The following LGR4 variants were observed in gnomAD, a reference collection of about 807,000 sequenced individuals.
LGR4 encodes leucine-rich repeat-containing G protein-coupled receptor 4.
In LGR4, 44 loss-of-function variants were observed where a neutral mutation model predicts 84.8. The ratio of observed to expected loss-of-function variants is 0.52; its 90% CI spans 0.41 to 0.67. LGR4 has a LOEUF of 0.67. Among genes scored for constraint, LGR4 ranks in the 30% least tolerant of loss-of-function variants. The pLI, the probability that LGR4 is intolerant of heterozygous loss-of-function variation, is 0.00. For missense variants in LGR4, 1,032 were observed against 1,131.4 expected, an observed-to-expected ratio of 0.91 and a Z score of 1.26; for synonymous variants, 429 against 434.3, an observed-to-expected ratio of 0.99 and a Z score of 0.15.
intron 1 of LGR4, among the ~76,000 whole-genome samples, chr11:27,420,311 T>A (rs963102454): frequency 6.6e-6 from 1 of 152,116 alleles, no homozygotes; most frequent in African/African-American, 2.4e-5. Context: ...GAACACTGGG[T>A]CCAGTTTCTT....
At chr11:27,456,243 G>A (rs765509200) in intron 1 of LGR4, among the ~76,000 whole-genome samples, 1 of 152,172 alleles carries the variant, frequency 6.6e-6, no homozygotes, top group African/African-American at 2.4e-5. Flanking sequence ...AAAGGAAAGA[G>A]CACACAGATC....
chr11:27,437,660 AGTGTGTGTGTGTGTGTGTGT>A (rs10659033), intron 1 of LGR4, among the ~76,000 whole-genome samples: 1 of 140,044 alleles, frequency 7.1e-6, no homozygotes, highest in Admixed American at 7.2e-5. Context: ...TTAAAGGACT[AGTGTGTGTGTGTGTGTGTGT>A]GTGTGTGTGT....
intron 6 of LGR4, among the ~76,000 whole-genome samples, chr11:27,383,222 C>T (rs371089411): frequency 2.3e-4 from 35 of 152,228 alleles, no homozygotes; most frequent in African/African-American, 7.7e-4. Flanking sequence ...CACTGGCATA[C>T]GATTTGCATG....
intron 1 of LGR4, among the ~76,000 whole-genome samples, chr11:27,456,898 CA>C (rs1479233902): frequency 4.6e-5 from 7 of 152,106 alleles, no homozygotes; most frequent in Non-Finnish European, 8.8e-5. Context: ...TGTATGCAGA[CA>C]TATAGATGTA....
chr11:27,472,077 G>T, intron 1 of LGR4, 41 bp downstream of exon 1: 3 of 896,410 alleles, frequency 3.3e-6, no homozygotes, highest in South Asian at 3.4e-5. Context: ...GCTGGGCCCC[G>T]TTTCCTCCCC....
chr11:27,448,540 C>G (rs1370276574), intron 1 of LGR4, among the ~76,000 whole-genome samples: 1 of 152,154 alleles, frequency 6.6e-6, no homozygotes, highest in Non-Finnish European at 1.5e-5. Context: ...GATCCGCTCG[C>G]CTCAGCCTCC....
intron 1 of LGR4, 128 bp downstream of exon 1, chr11:27,471,990 C>A (rs1257826858): frequency 5.1e-6 from 3 of 584,966 alleles, no homozygotes; most frequent in South Asian, 1.6e-4. Context: ...GACCGGCGGA[C>A]CCCCTCCCCA....
intron 2 of LGR4, among the ~76,000 whole-genome samples, chr11:27,396,028 G>A (rs1416973875): frequency 4.6e-5 from 7 of 152,130 alleles, no homozygotes; most frequent in Admixed American, 3.9e-4. Flanking sequence ...ACTGATAGCT[G>A]GTACACAAAC....
chr11:27,369,786 T>C (rs894667948), intron 17 of LGR4, among the ~76,000 whole-genome samples: 1 of 152,216 alleles, frequency 6.6e-6, no homozygotes, highest in Admixed American at 6.5e-5. Flanking sequence ...TATATTTTCT[T>C]ATGACTTTCA....
chr11:27,415,563 C>T lies in LGR4; in HGVS notation c.186-2703G>A, dbSNP rs533268839. The stretch of plus-strand genomic sequence containing the variant: ...GTGAGACTCCATATTTACAAACTAA[C>T]ATATGTAAAACACACGGTGAGTTTT... On this transcript the variant is annotated intron_variant, in intron 1 of 17. Coordinates refer to ENST00000379214, the MANE Select transcript of LGR4 (RefSeq NM_018490.5). Among the ~76,000 whole-genome samples the T allele has an allele frequency of 1.9e-4, 29 of 152,230 alleles. 2 individuals carry two copies. The South Asian group carries it at 6.0e-3, about 32-fold the overall frequency.
rs565948764 is a variant in LGR4 at position 27,409,955 on chromosome 11, C to T, written c.257+2834G>A. The stretch of plus-strand genomic sequence containing the variant: ...GCAACAAGTGTTAGTTTCATTTCTC[C>T]CCCTAGATCAATGTTGTCCAATAGA... On this transcript the variant is annotated intron_variant, in intron 2 of 17. Transcript: ENST00000379214. Among the ~76,000 whole-genome samples the T allele has an allele frequency of 4.3e-4, 65 of 152,258 alleles. No individual in the cohort carries two copies. The South Asian group carries it at 6.2e-3, about 15-fold the overall frequency.
At chr11:27,421,609 G>A (rs938261993) in intron 1 of LGR4, among the ~76,000 whole-genome samples, 1 of 151,974 alleles carries the variant, frequency 6.6e-6, no homozygotes, top group African/African-American at 2.4e-5. Flanking sequence ...AGGTATGTGT[G>A]GCTTAAATTA....
intron 2 of LGR4, among the ~76,000 whole-genome samples, chr11:27,395,310 T>C (rs2133381629): frequency 6.6e-6 from 1 of 152,190 alleles, no homozygotes; most frequent in Admixed American, 6.5e-5. Flanking sequence ...AATGTCCTTG[T>C]ATCTATGGGC....
intron 1 of LGR4, among the ~76,000 whole-genome samples, chr11:27,471,544 C>T (rs922212703): frequency 6.6e-6 from 1 of 152,234 alleles, no homozygotes; most frequent in Admixed American, 6.5e-5. Flanking sequence ...GAGGTAGGTG[C>T]CGGGACGCAC....
At chr11:27,371,807 G>C (rs1220130440) in intron 16 of LGR4, 109 bp from the exon 17 acceptor site, 3 of 724,896 alleles carry the variant, frequency 4.1e-6, no homozygotes, top group South Asian at 2.0e-5. Flanking sequence ...CTTATAGAAG[G>C]TTCAATAACA....
At chr11:27,461,836 A>ATTTTTTTTTTT (rs35205372) in intron 1 of LGR4, among the ~76,000 whole-genome samples, 1 of 76,558 alleles carries the variant, frequency 1.3e-5, no homozygotes, top group African/African-American at 5.2e-5. Context: ...TTGAGTTAGG[A>ATTTTTTTTTTT]TTTTTTTTTT....
intron 2 of LGR4, among the ~76,000 whole-genome samples, chr11:27,411,949 T>A (rs77459717): frequency 0.02 from 3,065 of 152,190 alleles, 99 homozygotes; most frequent in African/African-American, 0.07. Context: ...CAGGGCTATA[T>A]CTCTTTGATG....
At chr11:27,382,550 T>A (rs549660920) in intron 6 of LGR4, among the ~76,000 whole-genome samples, 1 of 152,334 alleles carries the variant, frequency 6.6e-6, no homozygotes, top group South Asian at 2.1e-4. Flanking sequence ...ACATAAATCA[T>A]CTGAATGGTA....
intron 1 of LGR4, among the ~76,000 whole-genome samples, chr11:27,413,713 C>G (rs1020423047): frequency 6.6e-6 from 1 of 152,108 alleles, no homozygotes; most frequent in Admixed American, 6.6e-5. Flanking sequence ...TCTCCCCTCT[C>G]TAGAACCTGG....
Sources: gnomAD v4.1 joint callset for allele counts (sites outside exome capture counted in the v4.1 genomes callset) on GRCh38, gnomAD v4.1.1 for gene constraint, MANE v1.5 for transcripts, NCBI Gene and HGNC (gene_info 2026-07-23, HGNC 2026-07-21) for gene names.